The following SPPL3 variants were observed in gnomAD, a reference collection of about 807,000 sequenced individuals.
SPPL3 encodes the protein signal peptide peptidase-like 3.
SPPL3 carries 5 observed loss-of-function variants against 42.4 expected under a neutral mutation model. That is an observed-to-expected ratio of 0.12 (90% CI 0.06 to 0.25). The LOEUF (loss-of-function observed/expected upper bound fraction) is 0.25, where lower values mean the gene tolerates loss of function less well. Among genes scored for constraint, SPPL3 ranks in the 10% least tolerant of loss-of-function variants. The pLI, the probability that SPPL3 is intolerant of heterozygous loss-of-function variation, is 1.00. For missense variants in SPPL3, 235 were observed against 489.0 expected, an observed-to-expected ratio of 0.48 and a Z score of 4.90; for synonymous variants, 195 against 181.8, an observed-to-expected ratio of 1.07 and a Z score of -0.58.
chr12:120,850,885 C>T (rs1872201311), intron 1 of SPPL3, among the ~76,000 whole-genome samples: 1 of 152,194 alleles, frequency 6.6e-6, no homozygotes, highest in Admixed American at 6.5e-5. Flanking sequence ...TGCTACCACT[C>T]ACTCTGGTGT....
chr12:120,769,633 C>T (rs1190130795), intron 6 of SPPL3: 1 of 152,710 alleles, frequency 6.5e-6, no homozygotes, highest in Non-Finnish European at 1.5e-5. Flanking sequence ...TCACTGCAAC[C>T]TCTGTCTCCT....
intron 10 of SPPL3, among the ~76,000 whole-genome samples, chr12:120,765,513 C>T (rs1868855361): frequency 1.3e-5 from 2 of 152,174 alleles, no homozygotes; most frequent in African/African-American, 4.8e-5. Flanking sequence ...GTCCTGAACT[C>T]TTAACCCGCC....
At chr12:120,900,736 T>A (rs1873951316) in intron 1 of SPPL3, among the ~76,000 whole-genome samples, 1 of 151,914 alleles carries the variant, frequency 6.6e-6, no homozygotes, top group Admixed American at 6.6e-5. Flanking sequence ...GGCAAAACCC[T>A]GTCTCTAGTA....
chr12:120,774,423 A>G (rs778902823), intron 6 of SPPL3, among the ~76,000 whole-genome samples: 64 of 152,228 alleles, frequency 4.2e-4, no homozygotes, highest in Admixed American at 1.8e-3. Context: ...CAACCTCCAC[A>G]GAGTGGAGCT....
At chr12:120,854,025 C>CAT (rs1555252757) in intron 1 of SPPL3, among the ~76,000 whole-genome samples, 1 of 139,572 alleles carries the variant, frequency 7.2e-6, no homozygotes, top group East Asian at 2.0e-4. Context: ...CACACACACA[C>CAT]GGGGAAAAAA....
At chr12:120,877,749 C>G (rs1445210670) in intron 1 of SPPL3, among the ~76,000 whole-genome samples, 1 of 144,364 alleles carries the variant, frequency 6.9e-6, no homozygotes, top group Non-Finnish European at 1.5e-5. Flanking sequence ...CCATTGCACT[C>G]CAGCCTGGGC....
chr12:120,804,335 A>C (rs544005597), intron 2 of SPPL3, among the ~76,000 whole-genome samples: 1 of 152,254 alleles, frequency 6.6e-6, no homozygotes, highest in South Asian at 2.1e-4. Flanking sequence ...GAAAAGACAA[A>C]CCCAGAGGCA....
At chr12:120,871,909 C>T (rs963438758) in intron 1 of SPPL3, among the ~76,000 whole-genome samples, 13 of 152,014 alleles carry the variant, frequency 8.6e-5, no homozygotes, top group African/African-American at 2.9e-4. Flanking sequence ...TGCTTGAGAC[C>T]AGAAGTGTTT....
chr12:120,824,822 A>C (rs539349283), intron 1 of SPPL3, among the ~76,000 whole-genome samples: 17 of 152,328 alleles, frequency 1.1e-4, no homozygotes, highest in Non-Finnish European at 2.4e-4. Flanking sequence ...ACAAGCGTGA[A>C]GCTGCCTGGC....
intron 1 of SPPL3, among the ~76,000 whole-genome samples, chr12:120,851,459 T>C (rs1872220680): frequency 6.6e-6 from 1 of 151,796 alleles, no homozygotes; most frequent in Admixed American, 6.6e-5. Context: ...TTTTGTGGCA[T>C]ACCTGAGGCC....
At chr12:120,799,075 T>C (rs960794052) in intron 2 of SPPL3, among the ~76,000 whole-genome samples, 29 of 152,208 alleles carry the variant, frequency 1.9e-4, no homozygotes, top group Admixed American at 1.2e-3. Flanking sequence ...CAGCTGCTCC[T>C]TGACTTACAA....
rs1026398691 is a variant in SPPL3 at position 120,781,581 on chromosome 12, T to G, written c.502+1074A>C. Among the ~76,000 whole-genome samples the G allele has an allele frequency of 3.3e-4, 37 of 113,670 alleles. 1 individual carries two copies. The highest frequency in any genetic ancestry group is 1.0e-3 in the African/African-American group (29 of 29,126). The allele number at this position is 113,670 out of a possible 152,430, so 74.6% of individuals were successfully genotyped here. ...TTTTTTTTTTTTTTTTTTTTTTTTT[T>G]TTTTTTTTTTGAGACGGAGTCTTGC... is the stretch of plus-strand genomic sequence containing the variant. On this transcript the variant is annotated intron_variant, in intron 6 of 10. Transcript: ENST00000353487.
At chr12:120,852,764 GTATATTATATAT>G (rs1566060906) in intron 1 of SPPL3, among the ~76,000 whole-genome samples, 1 of 68,200 alleles carries the variant, frequency 1.5e-5, no homozygotes, top group African/African-American at 6.2e-5. Context: ...TTATATCTAT[GTATATTATATAT>G]AAAATATATT....
intron 6 of SPPL3, among the ~76,000 whole-genome samples, chr12:120,781,770 G>A (rs757023224): frequency 6.0e-5 from 9 of 149,830 alleles, no homozygotes; most frequent in African/African-American, 9.8e-5. Flanking sequence ...TAGTAGAGAC[G>A]GGGTCTCACC....
chr12:120,786,339 G>A (rs1566041523), intron 3 of SPPL3, among the ~76,000 whole-genome samples: 1 of 152,158 alleles, frequency 6.6e-6, no homozygotes, highest in Non-Finnish European at 1.5e-5. Context: ...TTAAATGTAA[G>A]TGCTCTACAG....
At position 120,894,084 on chromosome 12, in the gene SPPL3, G is replaced by A. The variant is rs907763997; in HGVS notation, c.23+9761C>T. Among the ~76,000 whole-genome samples, 10 of 152,270 alleles carry A rather than the reference G, an allele frequency of 6.6e-5. No individual in the cohort carries two copies. In the East Asian group the frequency reaches 1.7e-3, roughly 26 times the overall value. ...CACGCCTGTAATCCCAGCACTTGGC[G>A]AGGCTGAGGCAGGCAGATGACCCTG... On this transcript the variant is annotated intron_variant, in intron 1 of 10. Coordinates refer to ENST00000353487, the MANE Select transcript of SPPL3 (RefSeq NM_139015.5).
At chr12:120,797,499 TG>T (rs1220336841) in intron 2 of SPPL3, among the ~76,000 whole-genome samples, 2 of 152,162 alleles carry the variant, frequency 1.3e-5, no homozygotes, top group South Asian at 2.1e-4. Flanking sequence ...AGGGTTTACA[TG>T]TTTTTTTTAT....
At chr12:120,803,759 A>T (rs1354844101) in intron 2 of SPPL3, among the ~76,000 whole-genome samples, 2 of 152,036 alleles carry the variant, frequency 1.3e-5, no homozygotes, top group African/African-American at 4.8e-5. Flanking sequence ...TTAAATATAT[A>T]AAAAAACTTG....
chr12:120,773,938 T>C (rs994781699), intron 6 of SPPL3, among the ~76,000 whole-genome samples: 7 of 152,160 alleles, frequency 4.6e-5, no homozygotes, highest in Non-Finnish European at 7.3e-5. Context: ...TGCCATAGAA[T>C]CACTTCATCC....
Sources: gnomAD v4.1 joint callset for allele counts (sites outside exome capture counted in the v4.1 genomes callset) on GRCh38, gnomAD v4.1.1 for gene constraint, MANE v1.5 for transcripts, NCBI Gene and HGNC (gene_info 2026-07-23, HGNC 2026-07-21) for gene names.